AHI1: variants seen among roughly 807,000 people sequenced by gnomAD.
The protein encoded by AHI1 is Abelson helper integration site 1.
AHI1 carries 123 observed loss-of-function variants against 149.3 expected under a neutral mutation model. The ratio of observed to expected loss-of-function variants is 0.82; its 90% CI spans 0.71 to 0.96. The LOEUF (loss-of-function observed/expected upper bound fraction) is 0.96. AHI1 is among the 40% of genes least tolerant of loss of function. AHI1 has a pLI of 0.00. For missense variants in AHI1, 1,439 were observed against 1,422.7 expected (o/e 1.01, Z -0.18); for synonymous variants, 475 against 459.8 (o/e 1.03, Z -0.42).
chr6:135,357,102 A>G (rs369927359), intron 24 of AHI1, among the ~76,000 whole-genome samples: 1 of 152,064 alleles, frequency 6.6e-6, no homozygotes, highest in Admixed American at 6.5e-5. Flanking sequence ...CCATGCCCAG[A>G]TAACTTTTTG....
At chr6:135,483,992 TG>T (rs1292242509) in intron 5 of AHI1, among the ~76,000 whole-genome samples, 1 of 152,194 alleles carries the variant, frequency 6.6e-6, no homozygotes, top group Non-Finnish European at 1.5e-5. Flanking sequence ...AATTTACAAA[TG>T]AAAGAGGTTT....
At chr6:135,302,225 T>C in intron 26 of AHI1, 1 of 985,382 alleles carries the variant, frequency 1.0e-6, no homozygotes, top group Non-Finnish European at 1.2e-6. Context: ...TTACCATCAA[T>C]ATAGGTATAT....
intron 5 of AHI1, among the ~76,000 whole-genome samples, chr6:135,475,536 T>C (rs770766371): frequency 2.0e-5 from 3 of 152,112 alleles, no homozygotes; most frequent in Non-Finnish European, 4.4e-5. Flanking sequence ...GGGTTTGGAG[T>C]CTGAGCAGCT....
chr6:135,438,412 G>A lies in AHI1; in HGVS notation c.1999C>T (p.His667Tyr). 6.4e-7 allele frequency: 1 copy of A among 1,574,746 alleles called. No individual in the cohort carries two copies. Among genetic ancestry groups the A allele is most frequent in the Non-Finnish European group, 8.6e-7 (1 of 1,157,916 alleles). ...IYDLSWSKDDHYILTSSSDGT... is the reference protein window; with the variant it reads ...IYDLSWSKDDYYILTSSSDGT... Reference sequence around the variant, plus strand: ...TCAGATGATGAAGTAAGGATGTAGTGATCATCTTTTGACCAGGAAAGATCA... The same window carrying A: ...TCAGATGATGAAGTAAGGATGTAGTAATCATCTTTTGACCAGGAAAGATCA... The change falls in exon 15 of 29, where the codon CAC (histidine) becomes TAC (tyrosine). Residue 667 changes from histidine (H) to tyrosine (Y), a missense_variant. Physicochemically the swap from His to Tyr is moderately conservative, Grantham distance 83. Transcript: ENST00000265602.
At chr6:135,290,941 C>CACACACACACACAA (rs1418590339) in intron 27 of AHI1, among the ~76,000 whole-genome samples, 2 of 151,210 alleles carry the variant, frequency 1.3e-5, no homozygotes, top group African/African-American at 4.9e-5. Flanking sequence ...CACACACACA[C>CACACACACACACAA]AAAAGTATAG....
rs1410955973 is a variant in AHI1 at position 135,283,625 on chromosome 6, G to A, written c.*2020C>T. The A allele has an allele frequency of 1.3e-5, 2 of 152,120 alleles. No homozygotes were observed. Among genetic ancestry groups the A allele is most frequent in the African/African-American group, 4.8e-5 (2 of 41,428 alleles). 9.4% of individuals were successfully genotyped at this position (152,120 alleles called of 1,614,324 possible). A position where few individuals can be genotyped will look rare whatever the true frequency, so the allele number is the denominator to read the frequency against. On this transcript the variant is annotated 3_prime_UTR_variant, in exon 29 of 29. Transcript: ENST00000265602. ...TTATCAGCTGGATCTATTGCTTGGA[G>A]GGCACTGTCATGATCTCCCCCACCC...
At chr6:135,311,793 C>T (rs962927163) in intron 26 of AHI1, among the ~76,000 whole-genome samples, 5 of 152,182 alleles carry the variant, frequency 3.3e-5, no homozygotes, top group Non-Finnish European at 7.3e-5. Context: ...TGTAGCACAC[C>T]TTGGTAAAAA....
At chr6:135,366,955 A>G (rs953928898) in intron 23 of AHI1, among the ~76,000 whole-genome samples, 2 of 152,206 alleles carry the variant, frequency 1.3e-5, no homozygotes, top group Non-Finnish European at 2.9e-5. Context: ...GCTGTATCCC[A>G]GCAGTTTTGA....
Position 135,417,331 on chromosome 6 carries a change from C to T in AHI1, c.2765-5787G>A, listed in dbSNP as rs550733184. 9.1e-4 allele frequency among the ~76,000 whole-genome samples: 139 copies of T among 152,000 alleles called. 1 individual carries two copies. In the Middle Eastern group the frequency reaches 0.014, roughly 15 times the overall value. Reference sequence around the variant, plus strand: ...ATGATTTCATTTTAATATGAGTGAGCGAACATGCATAGAAATGGCCCAGAA... The same window carrying T: ...ATGATTTCATTTTAATATGAGTGAGTGAACATGCATAGAAATGGCCCAGAA... On this transcript the variant is annotated intron_variant, in intron 20 of 28. Transcript: ENST00000265602.
chr6:135,285,719 T>A, intron 28 of AHI1, 72 bp from the exon 29 acceptor site: 1 of 1,320,226 alleles, frequency 7.6e-7, no homozygotes, highest in East Asian at 2.4e-5. Context: ...CAAATCTTAG[T>A]GTGCTCAGGC....
rs369177529 is a variant in AHI1, at chr6:135,427,346, A to G, written c.2624-39T>C. 8.8e-5 allele frequency: 135 copies of G among 1,542,114 alleles called. No individual in the cohort carries two copies. In the African/African-American group the frequency reaches 1.8e-3, roughly 20 times the overall value. The stretch of plus-strand genomic sequence containing the variant: ...GAGATTCAAAAATGTATATCAGAGC[A>G]TATCTGTATCGATAAATCTTCTCAC... On this transcript the variant is annotated intron_variant, in intron 19 of 28. Coordinates refer to ENST00000265602, the MANE Select transcript of AHI1 (RefSeq NM_001134831.2).
intron 24 of AHI1, among the ~76,000 whole-genome samples, chr6:135,328,964 A>G (rs112837920): frequency 0.018 from 2,666 of 152,240 alleles, 74 homozygotes; most frequent in African/African-American, 0.06. Flanking sequence ...TTAAGCCAAA[A>G]TCCAATTCAG....
At chr6:135,335,979 G>A (rs1168863760) in intron 24 of AHI1, among the ~76,000 whole-genome samples, 1 of 151,962 alleles carries the variant, frequency 6.6e-6, no homozygotes, top group African/African-American at 2.4e-5. Flanking sequence ...TGGGCGTGGT[G>A]GAGCACGCCT....
At chr6:135,375,508 T>A (rs574887308) in intron 23 of AHI1, among the ~76,000 whole-genome samples, 7 of 152,294 alleles carry the variant, frequency 4.6e-5, no homozygotes, top group South Asian at 4.1e-4. Flanking sequence ...GTTGGGACAA[T>A]ATGTTGGGGA....
chr6:135,344,268 A>T (rs1255142989), intron 24 of AHI1, among the ~76,000 whole-genome samples: 1 of 151,804 alleles, frequency 6.6e-6, no homozygotes. Context: ...ACAGACACGG[A>T]GGGCTAAATG....
rs1374352546 is a variant in AHI1 at position 135,492,947 on chromosome 6, T to C, written c.-54-656A>G. The stretch of plus-strand genomic sequence containing the variant: ...TTCTCACATTAGAACATTTAGAATG[T>C]AATATGCATGTTTTTGAGACTAAAA... On this transcript the variant is annotated intron_variant, in intron 3 of 28. Transcript: ENST00000265602. 9.2e-6 allele frequency: 9 copies of C among 977,016 alleles called. No homozygotes were observed. The African/African-American group carries it at 1.4e-4, about 15-fold the overall frequency. The allele number at this position is 977,016 out of a possible 1,614,324, so 60.5% of individuals were successfully genotyped here.
chr6:135,396,658 TTAAC>T (rs1779255767), intron 22 of AHI1, among the ~76,000 whole-genome samples: 1 of 151,868 alleles, frequency 6.6e-6, no homozygotes, highest in Admixed American at 6.6e-5. Flanking sequence ...TATTTATCAC[TTAAC>T]TATTTAATTC....
At chr6:135,417,328 G>T (rs1462719045) in intron 20 of AHI1, among the ~76,000 whole-genome samples, 1 of 151,922 alleles carries the variant, frequency 6.6e-6, no homozygotes, top group African/African-American at 2.4e-5. Flanking sequence ...TAATATGAGT[G>T]AGCGAACATG....
At chr6:135,455,271 C>T (rs939731770) in intron 10 of AHI1, among the ~76,000 whole-genome samples, 8 of 152,146 alleles carry the variant, frequency 5.3e-5, no homozygotes, top group African/African-American at 1.9e-4. Flanking sequence ...CCGCCACTAA[C>T]CCTTCACATA....
Sources: allele counts gnomAD v4.1 joint callset (sites outside exome capture counted in the v4.1 genomes callset), GRCh38; gene constraint gnomAD v4.1.1; transcripts MANE v1.5; gene names NCBI Gene and HGNC (gene_info 2026-07-23, HGNC 2026-07-21).